DACH1: variants seen among roughly 807,000 people sequenced by gnomAD.
DACH1 encodes the protein dachshund homolog 1.
Under a neutral mutation model 54.2 loss-of-function variants are expected in DACH1, and 12 were observed. The observed-to-expected ratio is 0.22, with a 90% CI of 0.14 to 0.36. The LOEUF (loss-of-function observed/expected upper bound fraction) is 0.36, where lower values mean the gene tolerates loss of function less well. Among genes scored for constraint, DACH1 ranks in the 10% least tolerant of loss-of-function variants. DACH1 has a pLI of 1.00. For synonymous variants in DACH1, 386 were observed against 366.2 expected, an observed-to-expected ratio of 1.05 and a Z score of -0.62; for missense variants, 805 against 929.8, an observed-to-expected ratio of 0.87 and a Z score of 1.75.
intron 4 of DACH1, among the ~76,000 whole-genome samples, chr13:71,565,669 A>AT (rs1884854436): frequency 6.6e-6 from 1 of 152,172 alleles, no homozygotes; most frequent in Non-Finnish European, 1.5e-5. Context: ...TAATATTTAC[A>AT]TAGCTTTAAA....
chr13:71,836,184 C>A (rs576564535), intron 1 of DACH1, among the ~76,000 whole-genome samples: 1 of 151,734 alleles, frequency 6.6e-6, no homozygotes, highest in African/African-American at 2.4e-5. Context: ...AAAAAGGTAC[C>A]ATTATAGAGT....
intron 3 of DACH1, among the ~76,000 whole-genome samples, chr13:71,614,307 T>C (rs1451112608): frequency 6.6e-6 from 1 of 152,196 alleles, no homozygotes. Context: ...CCTGCTTTCA[T>C]ACACATTAAT....
At chr13:71,731,028 A>G (rs1883717870) in intron 1 of DACH1, among the ~76,000 whole-genome samples, 1 of 152,024 alleles carries the variant, frequency 6.6e-6, no homozygotes, top group Non-Finnish European at 1.5e-5. Flanking sequence ...TACCTACTTA[A>G]TTGTAGTTTA....
chr13:71,644,610 T>C (rs1162315133), intron 2 of DACH1, among the ~76,000 whole-genome samples: 3 of 152,218 alleles, frequency 2.0e-5, no homozygotes, highest in Admixed American at 2.0e-4. Flanking sequence ...GGCTCTGTAC[T>C]AACGGGGCCC....
At chr13:71,673,762 TAA>T (rs1880364427) in intron 2 of DACH1, among the ~76,000 whole-genome samples, 1 of 152,160 alleles carries the variant, frequency 6.6e-6, no homozygotes, top group African/African-American at 2.4e-5. Context: ...AGTATAATAA[TAA>T]AAAAAGAGTA....
At chr13:71,721,580 GC>G (rs1883232111) in intron 1 of DACH1, among the ~76,000 whole-genome samples, 1 of 152,160 alleles carries the variant, frequency 6.6e-6, no homozygotes, top group Admixed American at 6.5e-5. Flanking sequence ...TTCATTTGCA[GC>G]CACTATTTCA....
rs1645885476 is a variant in DACH1 at position 71,440,590 on chromosome 13, T to C, written c.*65A>G. 1 of 1,330,790 alleles carries C rather than the reference T, an allele frequency of 7.5e-7. No individual in the cohort carries two copies. The highest frequency in any genetic ancestry group is 1.9e-4 in the Middle Eastern group (1 of 5,392). The allele number at this position is 1,330,790 out of a possible 1,614,324, so 82.4% of individuals were successfully genotyped here. A position where few individuals can be genotyped will look rare whatever the true frequency, so the allele number is the denominator to read the frequency against. On this transcript the variant is annotated 3_prime_UTR_variant, in exon 11 of 11. Coordinates refer to ENST00000613252, the MANE Select transcript of DACH1 (RefSeq NM_080759.6). ...AAGGACTTTATTTTTTTCTGAACTT[T>C]CCCATGACGAATGTCTGACTGCAAA...
intron 1 of DACH1, among the ~76,000 whole-genome samples, chr13:71,840,504 T>A (rs1313794474): frequency 1.3e-5 from 2 of 152,162 alleles, no homozygotes; most frequent in Admixed American, 1.3e-4. Context: ...GATTAATAGA[T>A]ATATCCTAAT....
intron 1 of DACH1, among the ~76,000 whole-genome samples, chr13:71,761,877 T>A (rs1885414272): frequency 6.6e-6 from 1 of 152,148 alleles, no homozygotes; most frequent in Non-Finnish European, 1.5e-5. Context: ...TTTATTAATT[T>A]CATTAATAAA....
At chr13:71,698,671 T>C (rs1008864024) in intron 1 of DACH1, among the ~76,000 whole-genome samples, 1 of 152,126 alleles carries the variant, frequency 6.6e-6, no homozygotes, top group African/African-American at 2.4e-5. Context: ...ATTTTAAAAA[T>C]ACAAAAACCT....
chr13:71,591,645 A>G (rs772800414), intron 3 of DACH1, among the ~76,000 whole-genome samples: 1 of 152,162 alleles, frequency 6.6e-6, no homozygotes, highest in Non-Finnish European at 1.5e-5. Context: ...TAAGAGAAGT[A>G]AATAATATAT....
At chr13:71,840,173 C>T (rs1453903161) in intron 1 of DACH1, among the ~76,000 whole-genome samples, 2 of 152,090 alleles carry the variant, frequency 1.3e-5, no homozygotes, top group Non-Finnish European at 2.9e-5. Flanking sequence ...GTCTCAAACT[C>T]CTGGCCTCAA....
chr13:71,551,200 A>G (rs546702953), intron 6 of DACH1, among the ~76,000 whole-genome samples: 1 of 152,276 alleles, frequency 6.6e-6, no homozygotes, highest in South Asian at 2.1e-4. Flanking sequence ...ATAGATGTAT[A>G]TATTTTGGGA....
intron 1 of DACH1, among the ~76,000 whole-genome samples, chr13:71,774,529 T>C (rs1455306223): frequency 6.6e-6 from 1 of 152,066 alleles, no homozygotes; most frequent in Non-Finnish European, 1.5e-5. Flanking sequence ...ACCTCCTGAG[T>C]GCATATTATA....
At chr13:71,620,145 T>C (rs1876113922) in intron 3 of DACH1, among the ~76,000 whole-genome samples, 1 of 151,970 alleles carries the variant, frequency 6.6e-6, no homozygotes, top group African/African-American at 2.4e-5. Context: ...ATAGACCCAT[T>C]GTTTTAATAA....
At chr13:71,859,972 T>C (rs1030031702) in intron 1 of DACH1, among the ~76,000 whole-genome samples, 1 of 151,868 alleles carries the variant, frequency 6.6e-6, no homozygotes, top group Non-Finnish European at 1.5e-5. Flanking sequence ...GAGATGTACA[T>C]ATCTGTGCAG....
intron 1 of DACH1, among the ~76,000 whole-genome samples, chr13:71,793,473 GAAGT>G (rs1312214241): frequency 1.3e-5 from 2 of 152,108 alleles, no homozygotes; most frequent in Non-Finnish European, 1.5e-5. Flanking sequence ...AGACAAAAGG[GAAGT>G]AAGTATGTGA....
chr13:71,626,936 T>C (rs1876688321), intron 3 of DACH1, among the ~76,000 whole-genome samples: 1 of 151,994 alleles, frequency 6.6e-6, no homozygotes. Context: ...GCATCTCATC[T>C]TAGCAAGTAA....
At chr13:71,675,414 T>G (rs1880501273) in intron 2 of DACH1, 2 of 1,458,940 alleles carry the variant, frequency 1.4e-6, no homozygotes, top group Non-Finnish European at 1.9e-6. Flanking sequence ...ATGCCAAACG[T>G]GTAACAATTA....
Sources: allele counts gnomAD v4.1 joint callset (sites outside exome capture counted in the v4.1 genomes callset), GRCh38; gene constraint gnomAD v4.1.1; transcripts MANE v1.5; gene names NCBI Gene and HGNC (gene_info 2026-07-23, HGNC 2026-07-21).